The following TLL1 variants were observed in gnomAD, a reference collection of about 807,000 sequenced individuals.
TLL1 encodes the protein tolloid-like protein 1.
TLL1 carries 49 observed loss-of-function variants against 128.2 expected under a neutral mutation model. The observed-to-expected ratio is 0.38, with a 90% CI of 0.30 to 0.48. The LOEUF is 0.48. TLL1 is among the 20% of genes least tolerant of loss of function. TLL1 has a pLI of 0.96. For missense variants in TLL1, 1,123 were observed against 1,242.0 expected (o/e 0.90, Z 1.44); for synonymous variants, 454 against 418.8 (o/e 1.08, Z -1.03).
At chr4:165,917,456 T>A (rs1435848411) in intron 1 of TLL1, among the ~76,000 whole-genome samples, 1 of 152,188 alleles carries the variant, frequency 6.6e-6, no homozygotes, top group Non-Finnish European at 1.5e-5. Flanking sequence ...AATACTAGTA[T>A]CCTATGGCTC....
At chr4:165,961,227 C>G (rs2110959771) in intron 1 of TLL1, among the ~76,000 whole-genome samples, 1 of 151,326 alleles carries the variant, frequency 6.6e-6, no homozygotes, top group African/African-American at 2.4e-5. Flanking sequence ...ACATTAGCCA[C>G]AGAAAGAATA....
chr4:165,910,812 G>A (rs1317739713), intron 1 of TLL1, among the ~76,000 whole-genome samples: 1 of 152,154 alleles, frequency 6.6e-6, no homozygotes, highest in Non-Finnish European at 1.5e-5. Context: ...GAACACTGGG[G>A]CTTATCAAGA....
In TLL1 at chr4:166,039,324, A is replaced by C; in HGVS notation, c.1159-15A>C. On this transcript the variant is annotated splice_polypyrimidine_tract_variant and intron_variant, in intron 9 of 20. Transcript: ENST00000061240. ...ATCATTTTTACTCTGTGGGTTGCTT[A>C]CCTCCATTTTGCAGATTGTTTTAAA... 1 of 1,579,994 alleles carries C rather than the reference A, an allele frequency of 6.3e-7. No homozygotes were observed. The highest frequency in any genetic ancestry group is 8.7e-7 in the Non-Finnish European group (1 of 1,149,336).
chr4:165,890,910 C>G (rs1731372631), intron 1 of TLL1, among the ~76,000 whole-genome samples: 1 of 152,196 alleles, frequency 6.6e-6, no homozygotes, highest in African/African-American at 2.4e-5. Flanking sequence ...CATGAGGGCT[C>G]TGCCCCTGCA....
intron 15 of TLL1, among the ~76,000 whole-genome samples, chr4:166,063,682 T>C (rs1740440860): frequency 6.6e-6 from 1 of 152,128 alleles, no homozygotes; most frequent in Non-Finnish European, 1.5e-5. Flanking sequence ...TGAGTTCATG[T>C]CCTTTGTAGA....
At chr4:165,923,421 C>CTTTTTTTTTTTTTTTTTGT (rs1733128317) in intron 1 of TLL1, among the ~76,000 whole-genome samples, 1 of 70,832 alleles carries the variant, frequency 1.4e-5, no homozygotes, top group Non-Finnish European at 2.6e-5. Flanking sequence ...ATAGGTATAC[C>CTTTTTTTTTTTTTTTTTGT]TTTTTTTTTT....
intron 1 of TLL1, among the ~76,000 whole-genome samples, chr4:165,876,524 C>T (rs1159333573): frequency 6.6e-6 from 1 of 152,202 alleles, no homozygotes; most frequent in Non-Finnish European, 1.5e-5. Flanking sequence ...ATAGGGTCTT[C>T]ATATTCCTCA....
At chr4:165,975,855 T>G (rs1363855017) in intron 1 of TLL1, among the ~76,000 whole-genome samples, 1 of 151,712 alleles carries the variant, frequency 6.6e-6, no homozygotes, top group Non-Finnish European at 1.5e-5. Context: ...CTGGCCAGTA[T>G]GCTGAAACCC....
intron 1 of TLL1, among the ~76,000 whole-genome samples, chr4:165,905,583 T>C (rs1422019015): frequency 6.6e-6 from 1 of 152,184 alleles, no homozygotes; most frequent in African/African-American, 2.4e-5. Flanking sequence ...TCCTGGGCCT[T>C]ATTCACCTCG....
rs1228706747 is a variant in TLL1 at position 166,076,874 on chromosome 4, G to T, written c.2315-1029G>T. Among the ~76,000 whole-genome samples the T allele has an allele frequency of 4.6e-5, 7 of 152,236 alleles. No homozygotes were observed. In the East Asian group the frequency reaches 9.7e-4, roughly 21 times the overall value. On this transcript the variant is annotated intron_variant, in intron 17 of 20. Coordinates refer to ENST00000061240, the MANE Select transcript of TLL1 (RefSeq NM_012464.5). ...CCTGTGGAAACCTAGCACAATTAAG[G>T]TGAAGGTCTAGTATTAATGATTGCA...
intron 1 of TLL1, among the ~76,000 whole-genome samples, chr4:165,935,835 TTAAC>T (rs1733736362): frequency 6.6e-6 from 1 of 152,164 alleles, no homozygotes; most frequent in Admixed American, 6.5e-5. Context: ...CTTGTACCCT[TTAAC>T]TAGTATAATT....
Position 166,101,014 on chromosome 4 carries a change from T to C in TLL1, c.*138T>C. On this transcript the variant is annotated 3_prime_UTR_variant, in exon 21 of 21. Transcript: ENST00000061240. ...AATCCCTGTAAGACCAGAATTATCT[T>C]TGTACTAAAAGAGAAGTTTCCAGCA... 8.7e-7 allele frequency: 1 copy of C among 1,147,770 alleles called. No homozygotes were observed. Among genetic ancestry groups the C allele is most frequent in the Non-Finnish European group, 1.2e-6 (1 of 810,288 alleles). 71.1% of individuals were successfully genotyped at this position (1,147,770 alleles called of 1,614,324 possible).
chr4:165,883,083 G>T lies in TLL1; in HGVS notation c.169+9010G>T, dbSNP rs17632988. 4.2e-3 allele frequency among the ~76,000 whole-genome samples: 641 copies of T among 152,120 alleles called. 5 individuals are homozygous for T. Among genetic ancestry groups the T allele is most frequent in the African/African-American group, 0.014 (593 of 41,520 alleles). Reference sequence around the variant, plus strand: ...GATGAAAATAGTTGTAGTAAGAACAGATCTCTGGCATATACAATGGAACTC... The same window carrying T: ...GATGAAAATAGTTGTAGTAAGAACATATCTCTGGCATATACAATGGAACTC... On this transcript the variant is annotated intron_variant, in intron 1 of 20. Coordinates refer to ENST00000061240, the MANE Select transcript of TLL1 (RefSeq NM_012464.5).
At chr4:166,018,342 T>C (rs1738050283) in intron 8 of TLL1, among the ~76,000 whole-genome samples, 1 of 152,102 alleles carries the variant, frequency 6.6e-6, no homozygotes, top group African/African-American at 2.4e-5. Flanking sequence ...GACCTCAAAC[T>C]ATAAGAAGCC....
intron 1 of TLL1, among the ~76,000 whole-genome samples, chr4:165,890,412 G>A (rs897363722): frequency 2.6e-5 from 4 of 152,176 alleles, no homozygotes; most frequent in African/African-American, 9.7e-5. Flanking sequence ...TCTGAGATAA[G>A]TCCCTTCTGC....
chr4:165,981,974 A>G (rs1307619196), intron 1 of TLL1, among the ~76,000 whole-genome samples: 1 of 152,042 alleles, frequency 6.6e-6, no homozygotes, highest in Non-Finnish European at 1.5e-5. Flanking sequence ...TTTCAAAGGG[A>G]AACTCTTAGA....
chr4:165,911,284 A>C (rs1396135920), intron 1 of TLL1, among the ~76,000 whole-genome samples: 1 of 152,160 alleles, frequency 6.6e-6, no homozygotes, highest in Non-Finnish European at 1.5e-5. Flanking sequence ...GAGTGAGTAC[A>C]TGCAATATTT....
chr4:165,911,544 A>G (rs575668784), intron 1 of TLL1, among the ~76,000 whole-genome samples: 1 of 152,256 alleles, frequency 6.6e-6, no homozygotes, highest in South Asian at 2.1e-4. Context: ...TTTGGTGGTA[A>G]ACGACTTCCT....
At chr4:165,975,923 G>A (rs781578993) in intron 1 of TLL1, among the ~76,000 whole-genome samples, 21 of 147,272 alleles carry the variant, frequency 1.4e-4, no homozygotes, top group Non-Finnish European at 2.5e-4. Context: ...CTGTAATCCC[G>A]GCTACTCAGG....
Sources: allele counts gnomAD v4.1 joint callset (sites outside exome capture counted in the v4.1 genomes callset), GRCh38; gene constraint gnomAD v4.1.1; transcripts MANE v1.5; gene names NCBI Gene and HGNC (gene_info 2026-07-23, HGNC 2026-07-21).